The following THTPA variants were observed in gnomAD, a reference collection of about 807,000 sequenced individuals.
THTPA encodes the protein thiamine triphosphatase.
THTPA carries 16 observed loss-of-function variants against 16.5 expected under a neutral mutation model. That is an observed-to-expected ratio of 0.97 (90% CI 0.66 to 1.47). The LOEUF is 1.47. THTPA is among the 40% of genes most tolerant of loss of function. The probability of loss-of-function intolerance (pLI) is 0.00; values close to 1 mark genes in which losing one functional copy is unlikely to be tolerated. For synonymous variants in THTPA, 110 were observed against 115.5 expected (o/e 0.95, Z 0.30); for missense variants, 281 against 280.9 (o/e 1.00, Z 0.00).
At chr14:23,538,840 C>T in the THTPA span, among the ~76,000 whole-genome samples, 1 of 152,004 alleles carries the variant, frequency 6.6e-6, no homozygotes, top group African/African-American at 2.4e-5. Flanking sequence ...TTAGGGGAGA[C>T]AGAGCAGGCA....
the THTPA span, chr14:23,531,328 T>A: frequency 1.7e-6 from 2 of 1,149,698 alleles, no homozygotes; most frequent in African/African-American, 3.2e-5. Flanking sequence ...ACGCTCATTC[T>A]GTCTTATCCC....
the THTPA span, chr14:23,526,659 C>T: frequency 6.5e-7 from 1 of 1,535,930 alleles, no homozygotes; most frequent in Non-Finnish European, 8.7e-7. Flanking sequence ...GGACTGGCTT[C>T]TGGGGTCAGG....
chr14:23,534,930 A>C, the THTPA span: 11 of 1,536,154 alleles, frequency 7.2e-6, no homozygotes, highest in Non-Finnish European at 9.6e-6. The surrounding 1 kb of genome is among the most constrained non-coding windows in gnomAD (Gnocchi z 4.5). Context: ...GTTCACTGCC[A>C]CCTGGCAGGG....
rs1883304704 is a variant in THTPA, at chr14:23,559,977, A to G, written c.*1137A>G. The G allele has an allele frequency of 1.2e-6, 2 of 1,613,244 alleles. No homozygotes were observed. Among genetic ancestry groups the G allele is most frequent in the Admixed American group, 1.7e-5 (1 of 59,926 alleles). ...GGATTCTGAAGAGCTGGGTGATAGG[A>G]AGGCCACCCCGAGCTGGAACTGTGT... On this transcript the variant is annotated 3_prime_UTR_variant, in exon 2 of 2. Coordinates refer to ENST00000288014, the MANE Select transcript of THTPA (RefSeq NM_024328.6).
chr14:23,541,476 A>G, the THTPA span, among the ~76,000 whole-genome samples: 1 of 150,910 alleles, frequency 6.6e-6, no homozygotes, highest in Non-Finnish European at 1.5e-5. Context: ...TAGTACAGAC[A>G]GAGCTTCTCC....
At chr14:23,527,751 C>T in the THTPA span, 17 of 1,536,062 alleles carry the variant, frequency 1.1e-5, no homozygotes, top group Non-Finnish European at 1.5e-5. Flanking sequence ...GTGTATGAGC[C>T]CTCACCTGGC....
the THTPA span, chr14:23,525,687 C>A: frequency 6.5e-7 from 1 of 1,530,224 alleles, no homozygotes; most frequent in Non-Finnish European, 8.7e-7. This position sits in a 1 kb window ranked among gnomAD's most constrained non-coding sequence, Gnocchi z 5.9. Context: ...GCCTCATTAC[C>A]CTCTTTGGCC....
chr14:23,524,277 A>T, the THTPA span: 1 of 1,536,340 alleles, frequency 6.5e-7, no homozygotes, highest in East Asian at 2.4e-5. This position sits in a 1 kb window ranked among gnomAD's most constrained non-coding sequence, Gnocchi z 5.6. Flanking sequence ...TCGGAGATGC[A>T]GTCGAGCATC....
At chr14:23,540,584 C>T in the THTPA span, among the ~76,000 whole-genome samples, 1 of 152,150 alleles carries the variant, frequency 6.6e-6, no homozygotes, top group South Asian at 2.1e-4. Context: ...TAGATGAGCT[C>T]TATTTTTTAG....
At chr14:23,526,806 C>G in the THTPA span, 1 of 1,523,232 alleles carries the variant, frequency 6.6e-7, no homozygotes, top group Non-Finnish European at 8.8e-7. Context: ...ATGGAGTCCC[C>G]TTTCCTGGTA....
chr14:23,523,391 C>T, the THTPA span: 3 of 1,505,874 alleles, frequency 2.0e-6, no homozygotes, highest in South Asian at 3.8e-5. The surrounding 1 kb of genome is among the most constrained non-coding windows in gnomAD (Gnocchi z 4.1). Flanking sequence ...CTTGCTTTCA[C>T]TCTTCAGCTG....
rs1224702485 is a variant in THTPA at position 23,560,096 on chromosome 14, CTA to C, written c.*1259_*1260del. 1.4e-6 allele frequency: 2 copies of C among 1,416,282 alleles called. No individual in the cohort carries two copies. The highest frequency in any genetic ancestry group is 1.4e-5 in the African/African-American group (1 of 70,976). 87.7% of individuals were successfully genotyped at this position (1,416,282 alleles called of 1,614,324 possible). A position where few individuals can be genotyped will look rare whatever the true frequency, so the allele number is the denominator to read the frequency against. ...AGTAGGTAGGGCTCAGGCAGCCCCTCTATACTCAGTGGCTCCACACCCTTTTC... is the reference window on the plus strand; with the variant it reads ...AGTAGGTAGGGCTCAGGCAGCCCCTCTACTCAGTGGCTCCACACCCTTTTC... On this transcript the variant is annotated 3_prime_UTR_variant, in exon 2 of 2. Transcript: ENST00000288014.
chr14:23,527,663 A>G, the THTPA span: 65 of 1,536,336 alleles, frequency 4.2e-5, no homozygotes, highest in Middle Eastern at 5.0e-4. Context: ...CTAAGGTGGA[A>G]GTGCAGGGCA....
At chr14:23,534,582 C>T in the THTPA span, 17 of 1,536,160 alleles carry the variant, frequency 1.1e-5, no homozygotes, top group Middle Eastern at 3.3e-4. The surrounding 1 kb of genome is among the most constrained non-coding windows in gnomAD (Gnocchi z 4.5). Context: ...AGGCCTGGGG[C>T]TTGCTGAAAC....
the THTPA span, chr14:23,530,904 C>A: frequency 4.6e-6 from 1 of 218,212 alleles, no homozygotes; most frequent in Non-Finnish European, 9.1e-6. Context: ...CCCTTGCAGG[C>A]TCTTCTCCTG....
chr14:23,524,281 G>A, the THTPA span: 17 of 1,536,340 alleles, frequency 1.1e-5, no homozygotes, highest in East Asian at 1.7e-4. The surrounding 1 kb of genome is among the most constrained non-coding windows in gnomAD (Gnocchi z 5.6). Context: ...AGATGCAGTC[G>A]AGCATCTTGC....
the THTPA span, among the ~76,000 whole-genome samples, chr14:23,548,765 C>G: frequency 2.6e-5 from 4 of 152,204 alleles, no homozygotes; most frequent in South Asian, 8.3e-4. Flanking sequence ...GCTTTCTCTC[C>G]CTCTCTTGGG....
the THTPA span, chr14:23,532,358 G>A: frequency 2.3e-5 from 13 of 569,704 alleles, no homozygotes; most frequent in Non-Finnish European, 2.7e-5. Context: ...AATAAAGTCT[G>A]TTTCACTTGT....
the THTPA span, chr14:23,535,512 C>T: frequency 1.9e-6 from 1 of 534,194 alleles, no homozygotes. The surrounding 1 kb of genome is among the most constrained non-coding windows in gnomAD (Gnocchi z 4.5). Flanking sequence ...TGAAATTTCA[C>T]TTAGTGTCTA....
Sources: gnomAD v4.1 joint callset for allele counts (sites outside exome capture counted in the v4.1 genomes callset) on GRCh38, gnomAD v4.1.1 for gene constraint, Gnocchi (gnomAD v3.1) non-coding constraint, MANE v1.5 for transcripts, NCBI Gene and HGNC (gene_info 2026-07-23, HGNC 2026-07-21) for gene names.